LRRC42: variants seen among roughly 807,000 people sequenced by gnomAD.
LRRC42 encodes the protein leucine rich repeat containing 42, also known as leucine-rich repeat-containing protein 42.
A neutral mutation model predicts 44.3 loss-of-function variants in LRRC42; 43 were observed. The ratio of observed to expected loss-of-function variants is 0.97; its 90% CI spans 0.76 to 1.25. The LOEUF is 1.25. Ranked by LOEUF, LRRC42 falls within the 50% of genes most tolerant of loss-of-function variation. The pLI is 0.00. For synonymous variants in LRRC42, 207 were observed against 195.2 expected, an observed-to-expected ratio of 1.06 and a Z score of -0.50; for missense variants, 540 against 509.1, an observed-to-expected ratio of 1.06 and a Z score of -0.58.
Position 53,958,153 on chromosome 1 carries a change from C to G in LRRC42, c.478C>G (p.Leu160Val), listed in dbSNP as rs1347883788. Residue 160 changes from leucine (L) to valine (V), a missense_variant, in exon 4 of 9, where the codon CTC becomes GTC. Leu to Val is a conservative substitution (Grantham distance 32). Transcript: ENST00000371370. ...ATTGCTCTCCACGCTCCGTAGGTAT[C>G]TCGTGATTTCAGAAAAGCTTGAGGA... ...LCSLCLRNRYLVISEKLEEIK... is the reference protein window; with the variant it reads ...LCSLCLRNRYVVISEKLEEIK... 6.2e-7 allele frequency: 1 copy of G among 1,613,684 alleles called. No individual in the cohort carries two copies. The highest frequency in any genetic ancestry group is 1.1e-5 in the South Asian group (1 of 91,078).
At chr1:53,948,055 T>TA (rs1654573216) in intron 2 of LRRC42, 1 of 152,232 alleles carries the variant, frequency 6.6e-6, no homozygotes, top group Non-Finnish European at 1.5e-5. Flanking sequence ...CATTAAAGAT[T>TA]ACATGAGATC....
At chr1:53,961,135 C>T (rs12057324) in intron 5 of LRRC42, among the ~76,000 whole-genome samples, 33,982 of 152,036 alleles carry the variant, frequency 0.22, 5,201 homozygotes, top group African/African-American at 0.44. Flanking sequence ...CCTGGCTGGG[C>T]GCGGTGGCTC....
intron 3 of LRRC42, among the ~76,000 whole-genome samples, chr1:53,955,612 A>G (rs1230095418): frequency 6.7e-6 from 1 of 149,840 alleles, no homozygotes; most frequent in Non-Finnish European, 1.5e-5. Flanking sequence ...AATATAGGAA[A>G]CAATTTTAAC....
chr1:53,963,502 C>T (rs563013780), intron 7 of LRRC42, among the ~76,000 whole-genome samples: 1 of 152,322 alleles, frequency 6.6e-6, no homozygotes, highest in East Asian at 1.9e-4. Flanking sequence ...AACTTTCAGT[C>T]TCTGTGTTTT....
At chr1:53,947,287 T>G (rs907953929) in intron 1 of LRRC42, among the ~76,000 whole-genome samples, 4 of 151,558 alleles carry the variant, frequency 2.6e-5, no homozygotes, top group Non-Finnish European at 5.9e-5. Context: ...GGGGTTAGGA[T>G]TTTTGGTGTG....
rs373022498 is a variant in LRRC42 at position 53,959,043 on chromosome 1, C to T, written c.605+763C>T. 1.6e-4 allele frequency among the ~76,000 whole-genome samples: 25 copies of T among 152,192 alleles called. No homozygotes were observed. The South Asian group carries it at 2.7e-3, about 16-fold the overall frequency. ...GGATTATAGGCGCCCCCCACCACGC[C>T]GGCTAATTTTTGTACTTTTAGTAGA... is the stretch of plus-strand genomic sequence containing the variant. On this transcript the variant is annotated intron_variant, in intron 4 of 8. Transcript: ENST00000371370.
In LRRC42 at chr1:53,960,105, C is replaced by T. The variant is rs114440474; in HGVS notation, c.606-251C>T. On this transcript the variant is annotated intron_variant, in intron 4 of 8. Transcript: ENST00000371370. ...CTAGCTAATTTTTTAAAATTTCTTG[C>T]AGGGATGGGGTCTCTAACTCCTGGG... Among the ~76,000 whole-genome samples, 1,413 of 152,002 alleles carry T rather than the reference C, an allele frequency of 9.3e-3. 29 individuals are homozygous for T. The highest frequency in any genetic ancestry group is 0.032 in the African/African-American group (1,347 of 41,454).
At chr1:53,949,698 A>G (rs999496061) in intron 2 of LRRC42, among the ~76,000 whole-genome samples, 1 of 152,218 alleles carries the variant, frequency 6.6e-6, no homozygotes, top group Admixed American at 6.5e-5. Flanking sequence ...TATGGGTTAT[A>G]AGAGCTGGCA....
At chr1:53,947,004 T>G (rs1315474495) in intron 1 of LRRC42, among the ~76,000 whole-genome samples, 2 of 150,216 alleles carry the variant, frequency 1.3e-5, no homozygotes, top group Admixed American at 6.6e-5. Flanking sequence ...GTCTTGAAGA[T>G]TGAGAACAGA....
chr1:53,962,896 T>G (rs1031404147), intron 7 of LRRC42, among the ~76,000 whole-genome samples: 1 of 152,178 alleles, frequency 6.6e-6, no homozygotes, highest in Non-Finnish European at 1.5e-5. Context: ...CACTGAGTCT[T>G]AACAGTGAGA....
At chr1:53,960,867 G>A (rs951248618) in intron 5 of LRRC42, among the ~76,000 whole-genome samples, 45 of 152,112 alleles carry the variant, frequency 3.0e-4, no homozygotes, top group African/African-American at 9.9e-4. Context: ...CTGGATGAAC[G>A]GATAATTTAC....
Position 53,946,563 on chromosome 1 carries a change from G to GCGGGCCGGGCCGCTCGCGGGGCCC in LRRC42, c.-49+19_-49+42dup, listed in dbSNP as rs1472428274. 2.0e-5 allele frequency: 3 copies of GCGGGCCGGGCCGCTCGCGGGGCCC among 151,828 alleles called. No individual in the cohort carries two copies. The highest frequency in any genetic ancestry group is 7.3e-5 in the African/African-American group (3 of 41,370). 9.4% of individuals were successfully genotyped at this position (151,828 alleles called of 1,614,324 possible). A position where few individuals can be genotyped will look rare whatever the true frequency, so the allele number is the denominator to read the frequency against. ...GCAGGGGCACAGGTAGGTGGCGGCCGCGGGCCGGGCCGCTCGCGGGGCCCC... is the reference window on the plus strand; with the variant it reads ...GCAGGGGCACAGGTAGGTGGCGGCCGCGGGCCGGGCCGCTCGCGGGGCCCCGGGCCGGGCCGCTCGCGGGGCCCC... On this transcript the variant is annotated intron_variant, in intron 1 of 8. Transcript: ENST00000371370.
At position 53,966,286 on chromosome 1, in the gene LRRC42, T is replaced by TA; in HGVS notation, c.928-9dup. On this transcript the variant is annotated splice_polypyrimidine_tract_variant and intron_variant, in intron 7 of 8. Transcript: ENST00000371370. ...TTGTTTGGATTCAAATCTTTCCAAA[T>TA]ATGTTTCAGATCGTTCTGCAGTGGG... The TA allele has an allele frequency of 6.2e-7, 1 of 1,607,222 alleles. No individual in the cohort carries two copies. Among genetic ancestry groups the TA allele is most frequent in the South Asian group, 1.1e-5 (1 of 90,870 alleles).
intron 4 of LRRC42, among the ~76,000 whole-genome samples, chr1:53,958,775 G>A (rs10888827): frequency 0.22 from 33,999 of 151,914 alleles, 5,193 homozygotes; most frequent in African/African-American, 0.44. Flanking sequence ...TAGTAGAGAC[G>A]GGGTTTCTCC....
rs184017721 is a variant in LRRC42 at position 53,961,272 on chromosome 1, G to A, written c.725-762G>A. ...AAAAGATACAAAAAATCAGCTGGGC[G>A]TGGTGGCCGGCACCTGTAGTCCCAG... On this transcript the variant is annotated intron_variant, in intron 5 of 8. Transcript: ENST00000371370. Among the ~76,000 whole-genome samples, 370 of 152,252 alleles carry A rather than the reference G, an allele frequency of 2.4e-3. 1 individual carries two copies. Among genetic ancestry groups the A allele is most frequent in the South Asian group, 0.015 (70 of 4,822 alleles).
At chr1:53,958,012 T>C (rs1654885465) in intron 3 of LRRC42, 137 bp from the exon 4 acceptor site, 1 of 992,646 alleles carries the variant, frequency 1.0e-6, no homozygotes, top group Admixed American at 3.7e-5. Context: ...GCCCTGATAG[T>C]AATTAGTGAA....
intron 3 of LRRC42, among the ~76,000 whole-genome samples, chr1:53,952,992 T>C (rs1049884710): frequency 6.6e-6 from 1 of 152,264 alleles, no homozygotes; most frequent in African/African-American, 2.4e-5. Flanking sequence ...CTCTTGTGAC[T>C]GCCTTTGCTC....
chr1:53,957,887 C>G (rs1011040926), intron 3 of LRRC42, among the ~76,000 whole-genome samples: 2 of 151,800 alleles, frequency 1.3e-5, no homozygotes, highest in Non-Finnish European at 2.9e-5. Context: ...TCACTTGTGA[C>G]TTTCCTTTGC....
intron 8 of LRRC42, among the ~76,000 whole-genome samples, chr1:53,967,096 T>C (rs1015353101): frequency 1.3e-5 from 2 of 152,202 alleles, no homozygotes; most frequent in African/African-American, 4.8e-5. Context: ...TAGTAAACTT[T>C]ATGTTATGTA....
Sources: allele counts gnomAD v4.1 joint callset (sites outside exome capture counted in the v4.1 genomes callset), GRCh38; gene constraint gnomAD v4.1.1; transcripts MANE v1.5; gene names NCBI Gene and HGNC (gene_info 2026-07-23, HGNC 2026-07-21).